KCNQ1: variants seen among roughly 807,000 people sequenced by gnomAD.
KCNQ1 encodes potassium voltage-gated channel subfamily Q member 1, also known as potassium voltage-gated channel subfamily KQT member 1.
A neutral mutation model predicts 72.4 loss-of-function variants in KCNQ1; 49 were observed. The observed-to-expected ratio is 0.68, with a 90% CI of 0.54 to 0.86. The LOEUF (loss-of-function observed/expected upper bound fraction) is 0.86, where lower values mean the gene tolerates loss of function less well. Among genes scored for constraint, KCNQ1 ranks in the 40% least tolerant of loss-of-function variants. KCNQ1 has a pLI of 0.00. For missense variants in KCNQ1, 790 were observed against 945.1 expected, an observed-to-expected ratio of 0.84 and a Z score of 2.15; for synonymous variants, 450 against 412.6, an observed-to-expected ratio of 1.09 and a Z score of -1.10.
In KCNQ1 at chr11:2,463,884, C is replaced by T. The variant is rs1459045688; in HGVS notation, c.386+18400C>T. Among the ~76,000 whole-genome samples the T allele has an allele frequency of 6.6e-6, 1 of 151,882 alleles. No homozygotes were observed. Among genetic ancestry groups the T allele is most frequent in the African/African-American group, 2.4e-5 (1 of 41,310 alleles). The stretch of plus-strand genomic sequence containing the variant: ...TGCCCCCGTGCGGGGACTTGTTTGG[C>T]TGATGGATCAGGGGGAAGGTTCTCC... On this transcript the variant is annotated intron_variant, in intron 1 of 15. Transcript: ENST00000155840. The surrounding 1 kb of genome is among the most constrained non-coding windows in gnomAD (Gnocchi z 7.0).
intron 6 of KCNQ1, among the ~76,000 whole-genome samples, chr11:2,581,652 C>A (rs1848499815): frequency 6.6e-6 from 1 of 152,252 alleles, no homozygotes; most frequent in African/African-American, 2.4e-5. Flanking sequence ...ACATGGGGAC[C>A]AGCTCCCTTT....
Position 2,458,123 on chromosome 11 carries a change from C to T in KCNQ1, c.386+12639C>T, listed in dbSNP as rs73417595. Among the ~76,000 whole-genome samples, 2 of 152,060 alleles carry T rather than the reference C, an allele frequency of 1.3e-5. No individual in the cohort carries two copies. The highest frequency in any genetic ancestry group is 2.4e-5 in the African/African-American group (1 of 41,382). On this transcript the variant is annotated intron_variant, in intron 1 of 15. Coordinates refer to ENST00000155840, the MANE Select transcript of KCNQ1 (RefSeq NM_000218.3). The surrounding 1 kb of genome is among the most constrained non-coding windows in gnomAD (Gnocchi z 4.6). ...CAGAAGGCAGGGAAGTTATCAGAGG[C>T]CCCCTAGGGCCATGTCACTGGAACT...
At position 2,536,261 on chromosome 11, in the gene KCNQ1, A is replaced by T. The variant is rs1203488764; in HGVS notation, c.477+8243A>T. Reference sequence around the variant, plus strand: ...CCTGCTGTGCCAGGCTGCAGCAGAGACTCCGGCCCCACCAGGCTTCCTGTA... The same window carrying T: ...CCTGCTGTGCCAGGCTGCAGCAGAGTCTCCGGCCCCACCAGGCTTCCTGTA... On this transcript the variant is annotated intron_variant, in intron 2 of 15. Transcript: ENST00000155840. This position sits in a 1 kb window ranked among gnomAD's most constrained non-coding sequence, Gnocchi z 7.4. Among the ~76,000 whole-genome samples the T allele has an allele frequency of 6.6e-6, 1 of 151,916 alleles. No homozygotes were observed. Among genetic ancestry groups the T allele is most frequent in the Non-Finnish European group, 1.5e-5 (1 of 67,958 alleles).
chr11:2,588,980 A>G lies in KCNQ1; in HGVS notation c.1393+126A>G. ...CTCTGACAACGAGGTATGAACAGAC[A>G]GAGGGTGGAGCTTCTAGAAACTTCT... is the stretch of plus-strand genomic sequence containing the variant. On this transcript the variant is annotated intron_variant, in intron 10 of 15. Coordinates refer to ENST00000155840, the MANE Select transcript of KCNQ1 (RefSeq NM_000218.3). The surrounding 1 kb of genome is among the most constrained non-coding windows in gnomAD (Gnocchi z 5.6). The G allele has an allele frequency of 8.7e-7, 1 of 1,148,880 alleles. No individual in the cohort carries two copies. The allele number at this position is 1,148,880 out of a possible 1,614,324, so 71.2% of individuals were successfully genotyped here.
chr11:2,688,040 T>A (rs1413345594), intron 11 of KCNQ1: 1 of 398,546 alleles, frequency 2.5e-6, no homozygotes, highest in African/African-American at 2.1e-5. Context: ...AGGCACACAC[T>A]CCACTCAGCT....
At chr11:2,722,647 G>C (rs767598219) in intron 11 of KCNQ1, among the ~76,000 whole-genome samples, 1 of 152,142 alleles carries the variant, frequency 6.6e-6, no homozygotes, top group African/African-American at 2.4e-5. Flanking sequence ...AGCCAGGGTC[G>C]GCAGTGGCGG....
chr11:2,836,391 G>A (rs986898901), intron 15 of KCNQ1, among the ~76,000 whole-genome samples: 11 of 152,126 alleles, frequency 7.2e-5, no homozygotes, highest in Admixed American at 3.9e-4. Context: ...GTTTCAGGCC[G>A]GAGGTAGAAG....
At position 2,772,363 on chromosome 11, in the gene KCNQ1, T is replaced by C. The variant is rs1225346293; in HGVS notation, c.1590+3444T>C. Among the ~76,000 whole-genome samples the C allele has an allele frequency of 6.6e-6, 1 of 151,982 alleles. No homozygotes were observed. The highest frequency in any genetic ancestry group is 1.5e-5 in the Non-Finnish European group (1 of 67,968). On this transcript the variant is annotated intron_variant, in intron 12 of 15. Coordinates refer to ENST00000155840, the MANE Select transcript of KCNQ1 (RefSeq NM_000218.3). The surrounding 1 kb of genome is among the most constrained non-coding windows in gnomAD (Gnocchi z 6.6). ...CAAGGAGCCGGAGCCTCTCCACCCT[T>C]CAAGTGTGCCTTGAACTCCCTGTCC...
chr11:2,765,421 CTCTTTTGGTACATGT>C (rs1259522154), intron 11 of KCNQ1, among the ~76,000 whole-genome samples: 3 of 152,146 alleles, frequency 2.0e-5, no homozygotes, highest in Admixed American at 6.5e-5. Flanking sequence ...TGCATATGGT[CTCTTTTGGTACATGT>C]TCTGTGTGCA....
rs916107167 is a variant in KCNQ1 at position 2,652,369 on chromosome 11, G to T, written c.1394-9592G>T. On this transcript the variant is annotated intron_variant, in intron 10 of 15. Transcript: ENST00000155840. This position sits in a 1 kb window ranked among gnomAD's most constrained non-coding sequence, Gnocchi z 5.9. The stretch of plus-strand genomic sequence containing the variant: ...CGCGATGTTGTGATGAAGGTGAAAA[G>T]ATCGCTCTTAATTAGATTAAAAACA... 5.0e-6 allele frequency: 2 copies of T among 398,514 alleles called. No homozygotes were observed. Among genetic ancestry groups the T allele is most frequent in the African/African-American group, 2.1e-5 (1 of 48,626 alleles). 24.7% of individuals were successfully genotyped at this position (398,514 alleles called of 1,614,324 possible). A position where few individuals can be genotyped will look rare whatever the true frequency, so the allele number is the denominator to read the frequency against.
At chr11:2,461,155 G>T (rs112600033) in intron 1 of KCNQ1, among the ~76,000 whole-genome samples, 1 of 152,184 alleles carries the variant, frequency 6.6e-6, no homozygotes, top group Non-Finnish European at 1.5e-5. Flanking sequence ...TGTCTCTGGG[G>T]CTGGAACTCG....
At chr11:2,619,599 T>G (rs2133801917) in intron 10 of KCNQ1, 2 of 398,582 alleles carry the variant, frequency 5.0e-6, no homozygotes, top group East Asian at 7.1e-5. Context: ...GCATCGGTAT[T>G]CTTGGGTTAT....
At chr11:2,749,045 A>T (rs773373661) in intron 11 of KCNQ1, among the ~76,000 whole-genome samples, 1 of 152,242 alleles carries the variant, frequency 6.6e-6, no homozygotes, top group Non-Finnish European at 1.5e-5. Context: ...CCCTGTTGCC[A>T]CTGATAGCAT....
At position 2,623,804 on chromosome 11, in the gene KCNQ1, C is replaced by T; in HGVS notation, c.1393+34950C>T. ...AAATACCAAGGATGTGATTGCTGAA[C>T]TGCATGGTAAGAATATGTTTAATTT... On this transcript the variant is annotated intron_variant, in intron 10 of 15. Transcript: ENST00000155840. The surrounding 1 kb of genome is among the most constrained non-coding windows in gnomAD (Gnocchi z 5.2). 2 of 398,554 alleles carry T rather than the reference C, an allele frequency of 5.0e-6. No individual in the cohort carries two copies. The highest frequency in any genetic ancestry group is 3.6e-5 in the East Asian group (1 of 28,066). 24.7% of individuals were successfully genotyped at this position (398,554 alleles called of 1,614,324 possible). A position where few individuals can be genotyped will look rare whatever the true frequency, so the allele number is the denominator to read the frequency against.
intron 2 of KCNQ1, among the ~76,000 whole-genome samples, chr11:2,529,195 T>A (rs1437165873): frequency 1.3e-5 from 2 of 152,156 alleles, no homozygotes; most frequent in African/African-American, 4.8e-5. Context: ...AGGGTCTGCT[T>A]TGGGGTTTTT....
rs1162641133 is a variant in KCNQ1 at position 2,482,732 on chromosome 11, C to T, written c.386+37248C>T. On this transcript the variant is annotated intron_variant, in intron 1 of 15. Coordinates refer to ENST00000155840, the MANE Select transcript of KCNQ1 (RefSeq NM_000218.3). This position sits in a 1 kb window ranked among gnomAD's most constrained non-coding sequence, Gnocchi z 5.7. Reference sequence around the variant, plus strand: ...GATGAAGCAAAAATAGAATATCCTTCCTCCTCTTAGTGAGGGGAGTATGTT... The same window carrying T: ...GATGAAGCAAAAATAGAATATCCTTTCTCCTCTTAGTGAGGGGAGTATGTT... Among the ~76,000 whole-genome samples, 1 of 152,110 alleles carries T rather than the reference C, an allele frequency of 6.6e-6. No individual in the cohort carries two copies. The highest frequency in any genetic ancestry group is 2.4e-5 in the African/African-American group (1 of 41,400).
intron 1 of KCNQ1, among the ~76,000 whole-genome samples, chr11:2,461,081 G>A (rs571559611): frequency 3.6e-4 from 55 of 152,310 alleles, no homozygotes; most frequent in Middle Eastern, 3.4e-3. Context: ...GCCGTGGCTG[G>A]GGGCAGCCTG....
intron 11 of KCNQ1, chr11:2,699,421 C>A (rs1213520574): frequency 5.0e-6 from 2 of 400,104 alleles, no homozygotes; most frequent in Non-Finnish European, 8.7e-6. Context: ...GAGGGCCGCG[C>A]TGAGGAGAGT....
Position 2,585,268 on chromosome 11 carries a change from C to T in KCNQ1, c.1089C>T (p.His363=), listed in dbSNP as rs1589967006. The T allele has an allele frequency of 1.9e-6, 3 of 1,614,098 alleles. No homozygotes were observed. The highest frequency in any genetic ancestry group is 1.6e-4 in the Middle Eastern group (1 of 6,062). Residue 363 remains histidine (H), a synonymous_variant, in exon 8 of 16, where the codon CAC becomes CAT. Transcript: ENST00000155840. ...LKVQQKQRQK[H]FNRQIPAAAS... ...TGCAGCAGAAGCAGAGGCAGAAGCA[C>T]TTCAACCGGCAGATCCCGGCGGCAG... is the stretch of plus-strand genomic sequence containing the variant.
Sources: allele counts gnomAD v4.1 joint callset (sites outside exome capture counted in the v4.1 genomes callset), GRCh38; gene constraint gnomAD v4.1.1; non-coding constraint Gnocchi (gnomAD v3.1); transcripts MANE v1.5; gene names NCBI Gene and HGNC (gene_info 2026-07-23, HGNC 2026-07-21).